Variants in TENM3 observed in about 807,000 individuals in gnomAD.
The protein encoded by TENM3 is teneurin transmembrane protein 3, also known as teneurin-3.
In TENM3, 63 loss-of-function variants were observed where a neutral mutation model predicts 255.1. The ratio of observed to expected loss-of-function variants is 0.25; its 90% confidence interval spans 0.20 to 0.30. The LOEUF (loss-of-function observed/expected upper bound fraction) is 0.30. Among genes scored for constraint, TENM3 ranks in the 10% least tolerant of loss-of-function variants. TENM3 has a pLI of 1.00. For missense variants in TENM3, 2,929 were observed against 3,461.1 expected (o/e 0.85, Z 3.86); for synonymous variants, 1,306 against 1,322.3 (o/e 0.99, Z 0.27).
At chr4:182,267,529 T>A (rs1408887031) in intron 1 of TENM3, among the ~76,000 whole-genome samples, 1 of 152,118 alleles carries the variant, frequency 6.6e-6, no homozygotes, top group Non-Finnish European at 1.5e-5. Flanking sequence ...GTTTCTAGCC[T>A]GTGGTAAGTA....
the TENM3 span, among the ~76,000 whole-genome samples, chr4:181,485,705 A>C: frequency 6.6e-6 from 1 of 152,216 alleles, no homozygotes; most frequent in Non-Finnish European, 1.5e-5. Flanking sequence ...TAATTCATTA[A>C]TGCTGCATTG....
chr4:182,505,581 C>A (rs1285673088), intron 3 of TENM3, among the ~76,000 whole-genome samples: 1 of 152,010 alleles, frequency 6.6e-6, no homozygotes, highest in Admixed American at 6.6e-5. Flanking sequence ...CAGGTTCAAG[C>A]GATTCTCCTG....
At chr4:181,605,570 GAGAGAGAAAGAAAGGAAA>G in the TENM3 span, among the ~76,000 whole-genome samples, 248 of 24,844 alleles carry the variant, frequency 1.0e-2, 24 homozygotes, top group Admixed American at 0.014. Context: ...AAGAAAGAAA[GAGAGAGAAAGAAAGGAAA>G]GAAAGAAAGA....
the TENM3 span, among the ~76,000 whole-genome samples, chr4:181,790,403 A>G: frequency 6.6e-6 from 1 of 152,224 alleles, no homozygotes; most frequent in Admixed American, 6.5e-5. Flanking sequence ...TGTGTCTGCA[A>G]TGTGCTGCTT....
chr4:182,528,599 T>C (rs1168818765), intron 3 of TENM3, among the ~76,000 whole-genome samples: 1 of 152,206 alleles, frequency 6.6e-6, no homozygotes, highest in East Asian at 1.9e-4. Context: ...GCAAAAATGC[T>C]TCTTTTATTA....
the TENM3 span, among the ~76,000 whole-genome samples, chr4:182,009,929 C>T: frequency 1.1e-5 from 1 of 88,544 alleles, no homozygotes; most frequent in African/African-American, 3.5e-5. Context: ...TCACCGCCTC[C>T]CTTGGCTGGG....
intron 3 of TENM3, among the ~76,000 whole-genome samples, chr4:182,496,291 G>A (rs1415869697): frequency 6.6e-6 from 1 of 152,062 alleles, no homozygotes; most frequent in Non-Finnish European, 1.5e-5. Context: ...TATTTAGGGA[G>A]TAGGAATGTT....
intron 3 of TENM3, among the ~76,000 whole-genome samples, chr4:182,412,694 T>C (rs2151089230): frequency 6.6e-6 from 1 of 151,822 alleles, no homozygotes; most frequent in Non-Finnish European, 1.5e-5. Context: ...TGAAACCCCG[T>C]CTCTACTAAA....
chr4:182,004,776 G>A, the TENM3 span, among the ~76,000 whole-genome samples: 8 of 152,146 alleles, frequency 5.3e-5, no homozygotes, highest in South Asian at 6.2e-4. Context: ...TCTGACTGGC[G>A]TGAGATGGTA....
chr4:181,741,630 CT>C, the TENM3 span, among the ~76,000 whole-genome samples: 1 of 152,138 alleles, frequency 6.6e-6, no homozygotes, highest in South Asian at 2.1e-4. Flanking sequence ...TTATTACTAA[CT>C]TTTTTCTTTG....
At chr4:182,651,535 A>C (rs1035220143) in intron 5 of TENM3, among the ~76,000 whole-genome samples, 1 of 152,282 alleles carries the variant, frequency 6.6e-6, no homozygotes. Flanking sequence ...TAATAAAAAA[A>C]AAATACAAAA....
chr4:181,774,003 G>GTT, the TENM3 span, among the ~76,000 whole-genome samples: 1,904 of 89,822 alleles, frequency 0.021, 63 homozygotes, highest in Middle Eastern at 0.071. Flanking sequence ...TGGTGGCTGT[G>GTT]TTTTTTTTTT....
intron 1 of TENM3, among the ~76,000 whole-genome samples, chr4:182,313,986 C>T (rs1307884344): frequency 1.3e-5 from 2 of 152,188 alleles, no homozygotes; most frequent in Admixed American, 6.5e-5. Flanking sequence ...CATTGATTTT[C>T]TTTATATTCT....
intron 3 of TENM3, among the ~76,000 whole-genome samples, chr4:182,389,189 G>A (rs1304815282): frequency 6.6e-6 from 1 of 152,040 alleles, no homozygotes; most frequent in Non-Finnish European, 1.5e-5. Flanking sequence ...TGCCCGTGTT[G>A]GGTAGGGAAG....
the TENM3 span, among the ~76,000 whole-genome samples, chr4:181,520,852 A>G: frequency 6.6e-6 from 1 of 152,324 alleles, no homozygotes; most frequent in South Asian, 2.1e-4. Flanking sequence ...AAGCATCTGC[A>G]TGTTTTACCT....
the TENM3 span, among the ~76,000 whole-genome samples, chr4:181,826,376 C>G: frequency 1.3e-5 from 2 of 152,206 alleles, no homozygotes; most frequent in Admixed American, 1.3e-4. Context: ...AGTAGTAAAA[C>G]TATTAAGGTA....
chr4:182,419,727 G>A (rs1009765880), intron 3 of TENM3, among the ~76,000 whole-genome samples: 1 of 152,060 alleles, frequency 6.6e-6, no homozygotes, highest in Non-Finnish European at 1.5e-5. Flanking sequence ...GTAAGGACAT[G>A]GATGAAGCTG....
intron 3 of TENM3, among the ~76,000 whole-genome samples, chr4:182,561,985 CAGATAGATAGAT>C (rs60745078): frequency 0.011 from 1,636 of 145,304 alleles, 13 homozygotes; most frequent in Middle Eastern, 0.025. Flanking sequence ...GATAGATAGA[CAGATAGATAGAT>C]AGATAGATAG....
At chr4:182,791,663 C>T (rs1766112686) in intron 25 of TENM3, among the ~76,000 whole-genome samples, 1 of 152,242 alleles carries the variant, frequency 6.6e-6, no homozygotes, top group African/African-American at 2.4e-5. Context: ...TATAATATTT[C>T]TATTAAGGGC....
Sources: allele counts gnomAD v4.1 joint callset (sites outside exome capture counted in the v4.1 genomes callset), GRCh38; gene constraint gnomAD v4.1.1; transcripts MANE v1.5; gene names NCBI Gene and HGNC (gene_info 2026-07-23, HGNC 2026-07-21).